GGTA1: variants seen among roughly 807,000 people sequenced by gnomAD.
GGTA1 encodes inactive N-acetyllactosaminide alpha-1,3-galactosyltransferase.
GGTA1 carries 5 observed loss-of-function variants against 2.6 expected under a neutral mutation model. The observed-to-expected ratio is 1.92, with a 90% CI of 1.00 to 4.04. The LOEUF is 4.04. GGTA1 is among the 30% of genes most tolerant of loss of function. The pLI, the probability that GGTA1 is intolerant of heterozygous loss-of-function variation, is 0.00. For missense variants in GGTA1, 50 were observed against 16.7 expected (o/e 2.99, Z -3.47); for synonymous variants, 17 against 5.0 (o/e 3.38, Z -3.19).
At chr9:121,484,463 T>C (rs1828715530) in intron 1 of GGTA1, among the ~76,000 whole-genome samples, 1 of 152,130 alleles carries the variant, frequency 6.6e-6, no homozygotes, top group South Asian at 2.1e-4. Context: ...TTTGTATTTT[T>C]AGTAGAGACG....
At chr9:121,474,781 G>A (rs1828468753) in intron 1 of GGTA1, among the ~76,000 whole-genome samples, 2 of 152,150 alleles carry the variant, frequency 1.3e-5, no homozygotes, top group Non-Finnish European at 2.9e-5. Flanking sequence ...TTATCTCAGA[G>A]AGCAGGAATC....
intron 1 of GGTA1, among the ~76,000 whole-genome samples, chr9:121,498,677 C>G (rs1489989677): frequency 1.3e-5 from 2 of 152,136 alleles, no homozygotes; most frequent in Non-Finnish European, 2.9e-5. Context: ...AAGGAGGCAG[C>G]CCGGCCTGCT....
rs1829019733 is a variant in GGTA1, at chr9:121,497,552, A to G, written c.-10+2098T>C. Among the ~76,000 whole-genome samples the G allele has an allele frequency of 2.6e-5, 4 of 151,972 alleles. No homozygotes were observed. In the South Asian group the frequency reaches 6.2e-4, roughly 24 times the overall value. ...CTCAACTAGAAAATGGGTTAGCCTGAGGGGCTGCTCAGCCCACAGCCCCTC... is the reference window on the plus strand; with the variant it reads ...CTCAACTAGAAAATGGGTTAGCCTGGGGGGCTGCTCAGCCCACAGCCCCTC... On this transcript the variant is annotated intron_variant, in intron 1 of 5. Transcript: ENST00000481799.
intron 5 of GGTA1, among the ~76,000 whole-genome samples, chr9:121,457,028 A>C (rs138549691): frequency 3.2e-3 from 489 of 152,344 alleles, no homozygotes; most frequent in African/African-American, 0.011. Context: ...AAACAAGGAC[A>C]CAGAGAAAAG....
At chr9:121,452,910 C>T (rs2064885718), downstream of GGTA1, among the ~76,000 whole-genome samples, 1 of 152,150 alleles carries the variant, frequency 6.6e-6, no homozygotes, top group Admixed American at 6.6e-5. Flanking sequence ...TCTCTTCCTA[C>T]TTCTAAATCC....
chr9:121,479,091 T>C, intron 1 of GGTA1: 1 of 456,252 alleles, frequency 2.2e-6, no homozygotes, highest in South Asian at 1.5e-5. Flanking sequence ...CCGGCATCCT[T>C]CTTCCAGGTC....
chr9:121,487,924 G>A (rs12683638), intron 1 of GGTA1, among the ~76,000 whole-genome samples: 4 of 152,100 alleles, frequency 2.6e-5, no homozygotes, highest in East Asian at 2.0e-4. Context: ...CCATGTTGGC[G>A]AGGCTGGTCT....
chr9:121,499,199 A>G (rs1243276738), intron 1 of GGTA1, among the ~76,000 whole-genome samples: 1 of 151,562 alleles, frequency 6.6e-6, no homozygotes, highest in Non-Finnish European at 1.5e-5. Flanking sequence ...CCCCACTCCC[A>G]GATTCCCCTT....
rs1017361709 is a variant in GGTA1 at position 121,455,647 on chromosome 9, C to T, written c.*190G>A. 9 of 253,260 alleles carry T rather than the reference C, an allele frequency of 3.6e-5. No individual in the cohort carries two copies. The highest frequency in any genetic ancestry group is 8.6e-5 in the Admixed American group (2 of 23,150). 15.7% of individuals were successfully genotyped at this position (253,260 alleles called of 1,614,324 possible). On this transcript the variant is annotated 3_prime_UTR_variant, in exon 6 of 6. Coordinates refer to ENST00000481799, the MANE Select transcript of GGTA1 (RefSeq NM_001382585.1). ...CTGACCCACATTTCCCAGTTCCCTG[C>T]TCTATACCAGGTCATCCTGCTAAGC...
intron 7 of GGTA1, among the ~76,000 whole-genome samples, chr9:121,449,569 C>T (rs1025002044): frequency 1.2e-4 from 18 of 152,116 alleles, no homozygotes; most frequent in Admixed American, 8.5e-4. Context: ...TTGCCGGGCA[C>T]GGTGGCTCAC....
chr9:121,459,152 C>G (rs1323930861), intron 5 of GGTA1, among the ~76,000 whole-genome samples: 1 of 152,178 alleles, frequency 6.6e-6, no homozygotes, highest in Non-Finnish European at 1.5e-5. Context: ...AGCTCCTTCA[C>G]AATGGGATAG....
exon 8 of GGTA1, chr9:121,445,237 A>G: frequency 6.6e-6 from 1 of 152,146 alleles, no homozygotes; most frequent in East Asian, 1.9e-4. Context: ...ATCCAAGACA[A>G]CCTGACTAAT....
intron 3 of GGTA1, among the ~76,000 whole-genome samples, chr9:121,461,530 G>A (rs563005193): frequency 2.0e-5 from 3 of 152,146 alleles, no homozygotes; most frequent in Non-Finnish European, 4.4e-5. Flanking sequence ...GTAGCCCCCA[G>A]CCCTCAGCTC....
chr9:121,493,138 G>GAA (rs79574958), intron 1 of GGTA1, among the ~76,000 whole-genome samples: 1 of 142,148 alleles, frequency 7.0e-6, no homozygotes. Context: ...TGTCTCCAAA[G>GAA]AAAAAAAAAA....
intron 1 of GGTA1, among the ~76,000 whole-genome samples, chr9:121,495,102 TA>T (rs1428693996): frequency 6.6e-6 from 1 of 151,918 alleles, no homozygotes; most frequent in African/African-American, 2.4e-5. Flanking sequence ...GTATTTTTAG[TA>T]GAGATGGGGT....
chr9:121,453,422 G>A, downstream of GGTA1, among the ~76,000 whole-genome samples: 1 of 151,254 alleles, frequency 6.6e-6, no homozygotes. Flanking sequence ...GGTAAATGCA[G>A]AAAGCACAGA....
At chr9:121,493,754 T>C (rs1351939637) in intron 1 of GGTA1, among the ~76,000 whole-genome samples, 1 of 142,438 alleles carries the variant, frequency 7.0e-6, no homozygotes, top group Non-Finnish European at 1.5e-5. Context: ...CTCTCTTTTT[T>C]TTTTTTTTTT....
At position 121,463,865 on chromosome 9, in the gene GGTA1, G is replaced by GA. The variant is rs913037642; in HGVS notation, c.81-538dup. Among the ~76,000 whole-genome samples, 19 of 150,478 alleles carry GA rather than the reference G, an allele frequency of 1.3e-4. 1 individual carries two copies. The East Asian group carries it at 2.7e-3, about 22-fold the overall frequency. ...TTCCCCCAGGATTTATCTTCCTCCAGAAAAAAAAAGCATCAACTGCAGAGC... is the reference window on the plus strand; with the variant it reads ...TTCCCCCAGGATTTATCTTCCTCCAGAAAAAAAAAAGCATCAACTGCAGAGC... On this transcript the variant is annotated intron_variant, in intron 2 of 5. Coordinates refer to ENST00000481799, the MANE Select transcript of GGTA1 (RefSeq NM_001382585.1).
At chr9:121,485,116 G>A (rs975903306) in intron 1 of GGTA1, among the ~76,000 whole-genome samples, 2 of 152,330 alleles carry the variant, frequency 1.3e-5, no homozygotes, top group East Asian at 1.9e-4. Flanking sequence ...TGTATTCATT[G>A]CAAATCCATT....
Sources: gnomAD v4.1 joint callset for allele counts (sites outside exome capture counted in the v4.1 genomes callset) on GRCh38, gnomAD v4.1.1 for gene constraint, MANE v1.5 for transcripts, NCBI Gene and HGNC (gene_info 2026-07-23, HGNC 2026-07-21) for gene names.